The following DISC1 variants were observed in gnomAD, a reference collection of about 807,000 sequenced individuals.
The protein encoded by DISC1 is disrupted in schizophrenia 1 protein.
Under a neutral mutation model 84.5 loss-of-function variants are expected in DISC1, and 57 were observed. The observed-to-expected ratio is 0.67, with a 90% CI of 0.55 to 0.84. DISC1 has a LOEUF of 0.84. Among genes scored for constraint, DISC1 ranks in the 40% least tolerant of loss-of-function variants. The pLI is 0.00. For synonymous variants in DISC1, 411 were observed against 415.2 expected, an observed-to-expected ratio of 0.99 and a Z score of 0.12; for missense variants, 1,000 against 1,057.8, an observed-to-expected ratio of 0.95 and a Z score of 0.76.
chr1:231,674,394 G>T (rs112569235), intron 1 of DISC1, among the ~76,000 whole-genome samples: 3 of 152,246 alleles, frequency 2.0e-5, no homozygotes, highest in African/African-American at 7.2e-5. Context: ...AACAATATTT[G>T]ATCCATAGCC....
intron 9 of DISC1, among the ~76,000 whole-genome samples, chr1:231,833,392 C>G (rs11122345): frequency 0.23 from 34,806 of 151,180 alleles, 4,483 homozygotes; most frequent in East Asian, 0.41. Context: ...AAGGACTTAC[C>G]CTCCACTGTG....
intron 1 of DISC1, among the ~76,000 whole-genome samples, chr1:231,678,191 A>G (rs778833082): frequency 7.2e-5 from 11 of 152,180 alleles, no homozygotes; most frequent in Non-Finnish European, 1.6e-4. Context: ...TGGACATCTA[A>G]TACATACATT....
At chr1:232,002,136 A>T (rs916962248) in intron 10 of DISC1, among the ~76,000 whole-genome samples, 20 of 152,202 alleles carry the variant, frequency 1.3e-4, no homozygotes, top group African/African-American at 4.3e-4. Context: ...AGTCAACATC[A>T]TTAGAAATGA....
At chr1:232,014,710 G>T (rs79662201) in intron 11 of DISC1, among the ~76,000 whole-genome samples, 7,070 of 152,216 alleles carry the variant, frequency 0.046, 248 homozygotes, top group East Asian at 0.16. Context: ...CATGACCCTC[G>T]TTGTGTAAAC....
chr1:231,686,559 G>C (rs1248676784), intron 1 of DISC1, among the ~76,000 whole-genome samples: 1 of 152,136 alleles, frequency 6.6e-6, no homozygotes, highest in Non-Finnish European at 1.5e-5. Flanking sequence ...GGGGACCCTG[G>C]GCCCGGCCCA....
chr1:231,862,112 A>G (rs1264055452), intron 9 of DISC1, among the ~76,000 whole-genome samples: 1 of 152,190 alleles, frequency 6.6e-6, no homozygotes, highest in Non-Finnish European at 1.5e-5. Flanking sequence ...ACACCTGACA[A>G]CAGTTATATT....
intron 6 of DISC1, among the ~76,000 whole-genome samples, chr1:231,791,574 A>G (rs184615561): frequency 6.6e-6 from 1 of 152,338 alleles, no homozygotes; most frequent in African/African-American, 2.4e-5. Flanking sequence ...CAGGGCAGCC[A>G]CTTTGAATGA....
rs137859025 is a variant in DISC1 at position 231,827,238 on chromosome 1, G to A, written c.1981+8721G>A. Among the ~76,000 whole-genome samples the A allele has an allele frequency of 2.1e-3, 316 of 151,908 alleles. 3 individuals are homozygous for A. In the East Asian group the frequency reaches 0.024, roughly 11 times the overall value. On this transcript the variant is annotated intron_variant, in intron 9 of 12. Transcript: ENST00000439617. ...CCTGACCTCATGATCCACCTGCCTC[G>A]GCCCCCTAAAGGGCTGGGATTACAG...
chr1:231,684,892 A>G (rs188714510), intron 1 of DISC1: 33 of 152,234 alleles, frequency 2.2e-4, no homozygotes, highest in Admixed American at 6.5e-4. Context: ...CTCTGGTGGA[A>G]CTCCTGGTGG....
At chr1:231,888,485 C>T (rs190219586) in intron 9 of DISC1, among the ~76,000 whole-genome samples, 2 of 150,616 alleles carry the variant, frequency 1.3e-5, no homozygotes, top group East Asian at 2.0e-4. Context: ...TGGCTCACAC[C>T]TGTAATCCCA....
intron 1 of DISC1, among the ~76,000 whole-genome samples, chr1:231,650,790 T>C (rs2060551267): frequency 2.0e-5 from 3 of 152,228 alleles, no homozygotes; most frequent in Admixed American, 6.5e-5. Flanking sequence ...TAAACTTCTC[T>C]TCTCGCCTTA....
chr1:231,838,613 T>C (rs1286322508), intron 9 of DISC1, among the ~76,000 whole-genome samples: 1 of 152,240 alleles, frequency 6.6e-6, no homozygotes, highest in Non-Finnish European at 1.5e-5. Context: ...ATTGGGTGAA[T>C]GTCCCTGTCG....
chr1:231,750,087 G>C lies in DISC1; in HGVS notation c.1268+11G>C. The C allele has an allele frequency of 6.2e-7, 1 of 1,608,882 alleles. No homozygotes were observed. Among genetic ancestry groups the C allele is most frequent in the African/African-American group, 1.3e-5 (1 of 74,776 alleles). On this transcript the variant is annotated intron_variant, in intron 4 of 12. Transcript: ENST00000439617. Reference sequence around the variant, plus strand: ...TGGGGCCACTCAGCAGTGAGTACTTGTTATTGTCACCATTTTCCCCTCATG... The same window carrying C: ...TGGGGCCACTCAGCAGTGAGTACTTCTTATTGTCACCATTTTCCCCTCATG...
At chr1:231,706,858 A>G (rs1302537481) in intron 3 of DISC1, among the ~76,000 whole-genome samples, 4 of 152,156 alleles carry the variant, frequency 2.6e-5, no homozygotes, top group African/African-American at 7.2e-5. Flanking sequence ...CTCTATCCTC[A>G]GTTTCTCGTC....
intron 6 of DISC1, among the ~76,000 whole-genome samples, chr1:231,778,323 G>A (rs1464107576): frequency 1.3e-5 from 2 of 152,226 alleles, no homozygotes; most frequent in African/African-American, 2.4e-5. Flanking sequence ...ACTGGGTGGC[G>A]TGGAAGGTCT....
chr1:231,704,979 A>G (rs893372932), intron 3 of DISC1, among the ~76,000 whole-genome samples: 1 of 152,074 alleles, frequency 6.6e-6, no homozygotes, highest in African/African-American at 2.4e-5. Context: ...TATGCAGTCC[A>G]GGAGGGGAAA....
rs538091981 is a variant in DISC1, at chr1:231,816,354, A to G, written c.1793-1975A>G. 7.2e-5 allele frequency among the ~76,000 whole-genome samples: 11 copies of G among 152,328 alleles called. No homozygotes were observed. In the South Asian group the frequency reaches 1.2e-3, roughly 17 times the overall value. ...TTCCTTGTCAGTTAAACATAATGCA[A>G]TGATTTTCTCCAAGTCTGTGACTTG... On this transcript the variant is annotated intron_variant, in intron 8 of 12. Coordinates refer to ENST00000439617, the MANE Select transcript of DISC1 (RefSeq NM_018662.3).
chr1:232,009,575 A>C lies in DISC1; in HGVS notation c.2307+526A>C. ...CAAAACCAGATCATAATGAATGTTT[A>C]TAATGTTCTTCTTTCATAAACACAA... On this transcript the variant is annotated intron_variant, in intron 11 of 12. Coordinates refer to ENST00000439617, the MANE Select transcript of DISC1 (RefSeq NM_018662.3). This position sits in a 1 kb window ranked among gnomAD's most constrained non-coding sequence, Gnocchi z 4.6. 1 of 921,244 alleles carries C rather than the reference A, an allele frequency of 1.1e-6. No homozygotes were observed. The highest frequency in any genetic ancestry group is 5.0e-5 in the South Asian group (1 of 19,832). The allele number at this position is 921,244 out of a possible 1,614,324, so 57.1% of individuals were successfully genotyped here.
chr1:231,813,193 C>T (rs2759345), intron 8 of DISC1: 49,093 of 152,054 alleles, frequency 0.32, 8,681 homozygotes, highest in Admixed American at 0.39. Context: ...CTCTTCCAAT[C>T]TGCTTTTAGA....
Sources: allele counts gnomAD v4.1 joint callset (sites outside exome capture counted in the v4.1 genomes callset), GRCh38; gene constraint gnomAD v4.1.1; non-coding constraint Gnocchi (gnomAD v3.1); transcripts MANE v1.5; gene names NCBI Gene and HGNC (gene_info 2026-07-23, HGNC 2026-07-21).